Variants in FDFT1 observed in about 807,000 individuals in gnomAD.
FDFT1 encodes squalene synthase.
In FDFT1, 68 loss-of-function variants were observed where a neutral mutation model predicts 46.8. The observed-to-expected ratio is 1.45, with a 90% CI of 1.19 to 1.78. FDFT1 has a LOEUF of 1.78. FDFT1 is among the 40% of genes most tolerant of loss of function. The probability of loss-of-function intolerance (pLI) is 0.00; values close to 1 mark genes in which losing one functional copy is unlikely to be tolerated. For missense variants in FDFT1, 928 were observed against 524.4 expected (o/e 1.77, Z -7.52); for synonymous variants, 351 against 185.1 (o/e 1.90, Z -7.28).
intron 6 of FDFT1, among the ~76,000 whole-genome samples, chr8:11,831,310 A>G (rs1215104739): frequency 6.6e-6 from 1 of 152,216 alleles, no homozygotes; most frequent in African/African-American, 2.4e-5. Context: ...AGACTGCTTA[A>G]TTCTGTGTGT....
intron 1 of FDFT1, among the ~76,000 whole-genome samples, chr8:11,807,652 A>C (rs1167471071): frequency 6.6e-6 from 1 of 152,238 alleles, no homozygotes; most frequent in Non-Finnish European, 1.5e-5. Flanking sequence ...TTGCATTTAA[A>C]ATCAGGCTTT....
chr8:11,831,392 G>T (rs767463509), intron 6 of FDFT1, 126 bp from the exon 7 acceptor site: 4 of 756,968 alleles, frequency 5.3e-6, no homozygotes, highest in Admixed American at 5.4e-5. Context: ...TTTCTTGAGC[G>T]ATTCCATCTT....
chr8:11,806,666 G>C (rs892487486), intron 1 of FDFT1, among the ~76,000 whole-genome samples: 1 of 152,184 alleles, frequency 6.6e-6, no homozygotes, highest in Non-Finnish European at 1.5e-5. Context: ...TGGCAGTGCA[G>C]TTAAAAACAC....
intron 3 of FDFT1, among the ~76,000 whole-genome samples, chr8:11,819,509 A>G (rs1486761624): frequency 6.6e-6 from 1 of 152,132 alleles, no homozygotes; most frequent in African/African-American, 2.4e-5. Context: ...GTCTTTTCAC[A>G]TAGTCGCATA....
At chr8:11,821,403 C>G (rs1021540954) in intron 3 of FDFT1, among the ~76,000 whole-genome samples, 10 of 152,106 alleles carry the variant, frequency 6.6e-5, no homozygotes, top group African/African-American at 2.2e-4. Flanking sequence ...CCAGCTTGGC[C>G]AACATGGTGA....
Position 11,809,774 on chromosome 8 carries a change from C to G in FDFT1, c.305C>G (p.Ser102Cys), listed in dbSNP as rs149103491. ...KKVPLLHNFH[S>C]FLYQPDWRFM... is the part of the protein sequence containing the mutation. ...GTCCCGCTGTTACACAACTTTCACTCTTTCCTTTACCAACCAGACTGGCGG... is the reference window on the plus strand; with the variant it reads ...GTCCCGCTGTTACACAACTTTCACTGTTTCCTTTACCAACCAGACTGGCGG... The change falls in exon 3 of 8, where the codon TCT becomes TGT. Residue 102 changes from serine to cysteine, a missense_variant. Transcript: ENST00000220584. 4.3e-4 allele frequency: 689 copies of G among 1,614,188 alleles called. 1 individual carries two copies. The highest frequency in any genetic ancestry group is 1.0e-3 in the Admixed American group (62 of 60,022).
intron 7 of FDFT1, among the ~76,000 whole-genome samples, chr8:11,832,100 A>G (rs115567431): frequency 5.1e-4 from 77 of 152,316 alleles, no homozygotes; most frequent in African/African-American, 1.7e-3. Context: ...ACAGGCCTCA[A>G]TTGAAAAATC....
At chr8:11,825,590 TG>T (rs1809850689) in intron 4 of FDFT1, among the ~76,000 whole-genome samples, 1 of 151,336 alleles carries the variant, frequency 6.6e-6, no homozygotes. Context: ...CGGTGGTATT[TG>T]CCTACAATCC....
chr8:11,804,765 C>T (rs1293984834), intron 1 of FDFT1, among the ~76,000 whole-genome samples: 1 of 151,852 alleles, frequency 6.6e-6, no homozygotes, highest in Non-Finnish European at 1.5e-5. Context: ...TGCCACTACG[C>T]CCGGCTGATT....
upstream of FDFT1, chr8:11,802,727 C>G (rs923270115): frequency 4.6e-6 from 4 of 860,888 alleles, no homozygotes; most frequent in African/African-American, 5.1e-5. Context: ...TGCCCCCTGT[C>G]CGGCCAGCCC....
At chr8:11,800,603 C>T (rs1198807250), upstream of FDFT1, among the ~76,000 whole-genome samples, 1 of 152,196 alleles carries the variant, frequency 6.6e-6, no homozygotes, top group African/African-American at 2.4e-5. Flanking sequence ...GGAAGAGGAA[C>T]AGGCTATGAC....
At chr8:11,816,961 A>T (rs1808547172) in intron 3 of FDFT1, among the ~76,000 whole-genome samples, 1 of 152,202 alleles carries the variant, frequency 6.6e-6, no homozygotes, top group African/African-American at 2.4e-5. Flanking sequence ...TTCAAAGGGA[A>T]TGCTTCCAGT....
upstream of FDFT1, among the ~76,000 whole-genome samples, chr8:11,799,189 G>C (rs1805858552): frequency 6.6e-6 from 1 of 152,224 alleles, no homozygotes; most frequent in Non-Finnish European, 1.5e-5. Context: ...AAGGCGCCTT[G>C]AGTGTACAGT....
At chr8:11,809,317 A>C (rs1807374814) in intron 2 of FDFT1, 1 of 1,090,954 alleles carries the variant, frequency 9.2e-7, no homozygotes, top group South Asian at 3.3e-5. Flanking sequence ...TATACTGAGA[A>C]GTTACTGTGT....
intron 3 of FDFT1, among the ~76,000 whole-genome samples, chr8:11,815,451 T>G (rs112060165): frequency 0.13 from 19,427 of 152,250 alleles, 1,357 homozygotes; most frequent in Middle Eastern, 0.16. Context: ...CCATACTGTC[T>G]TCCACAATGG....
intron 3 of FDFT1, among the ~76,000 whole-genome samples, chr8:11,820,837 G>A (rs1256910936): frequency 6.6e-6 from 1 of 152,214 alleles, no homozygotes; most frequent in African/African-American, 2.4e-5. Context: ...ATGAGGTGAC[G>A]TCCTGCCCTG....
At chr8:11,810,001 C>T (rs1268436216) in intron 3 of FDFT1, 151 bp downstream of exon 3, 2 of 577,692 alleles carry the variant, frequency 3.5e-6, no homozygotes, top group East Asian at 2.9e-5. Context: ...AGCCAAGACT[C>T]TGAAGCCAGG....
intron 3 of FDFT1, among the ~76,000 whole-genome samples, chr8:11,812,597 G>C (rs1449589060): frequency 6.6e-6 from 1 of 152,210 alleles, no homozygotes; most frequent in Non-Finnish European, 1.5e-5. Context: ...ACAAAGATAA[G>C]TTTGTCAGTG....
intron 7 of FDFT1, among the ~76,000 whole-genome samples, chr8:11,832,696 A>G (rs1811006153): frequency 6.6e-6 from 1 of 151,808 alleles, no homozygotes; most frequent in Non-Finnish European, 1.5e-5. Flanking sequence ...GTCTGGAGAC[A>G]TTTTTGATTG....
Sources: allele counts gnomAD v4.1 joint callset (sites outside exome capture counted in the v4.1 genomes callset), GRCh38; gene constraint gnomAD v4.1.1; transcripts MANE v1.5; gene names NCBI Gene and HGNC (gene_info 2026-07-23, HGNC 2026-07-21).